The following TENM2 variants were observed in gnomAD, a reference collection of about 807,000 sequenced individuals.
The protein encoded by TENM2 is teneurin-2.
TENM2 carries 52 observed loss-of-function variants against 245.2 expected under a neutral mutation model. The ratio of observed to expected loss-of-function variants is 0.21; its 90% CI spans 0.17 to 0.27. The LOEUF (loss-of-function observed/expected upper bound fraction) is 0.27, where lower values mean the gene tolerates loss of function less well. Ranked by LOEUF, TENM2 falls within the 10% of genes least tolerant of loss-of-function variation. TENM2 has a pLI of 1.00. For synonymous variants in TENM2, 1,363 were observed against 1,438.9 expected (o/e 0.95, Z 1.19); for missense variants, 3,046 against 3,666.8 (o/e 0.83, Z 4.37).
chr5:167,795,777 T>A (rs1765275168), intron 2 of TENM2, among the ~76,000 whole-genome samples: 1 of 151,746 alleles, frequency 6.6e-6, no homozygotes, highest in Non-Finnish European at 1.5e-5. Context: ...ATCAGGGAGG[T>A]AACTAATGAC....
chr5:168,170,004 G>A (rs1368269766), intron 13 of TENM2, among the ~76,000 whole-genome samples: 1 of 152,146 alleles, frequency 6.6e-6, no homozygotes, highest in African/African-American at 2.4e-5. Context: ...GCCAGATGCT[G>A]GGTCTCTCTT....
chr5:167,002,786 T>A, the TENM2 span, among the ~76,000 whole-genome samples: 188 of 152,080 alleles, frequency 1.2e-3, 1 homozygote, highest in African/African-American at 4.3e-3. Context: ...ATAATAATAA[T>A]GATGATAATA....
intron 13 of TENM2, among the ~76,000 whole-genome samples, chr5:168,181,392 C>G (rs992033212): frequency 6.6e-6 from 1 of 152,188 alleles, no homozygotes; most frequent in African/African-American, 2.4e-5. Context: ...GGTAGCAGAG[C>G]CTTGATTTTC....
the TENM2 span, among the ~76,000 whole-genome samples, chr5:167,278,391 A>T: frequency 3.9e-5 from 6 of 152,158 alleles, no homozygotes; most frequent in Admixed American, 3.9e-4. Flanking sequence ...TTGTCTTTTA[A>T]TCAATATATT....
chr5:167,878,615 G>A (rs1270875464), intron 3 of TENM2, among the ~76,000 whole-genome samples: 2 of 151,636 alleles, frequency 1.3e-5, no homozygotes. Flanking sequence ...GTTTCTTGTG[G>A]AATGGGTTTA....
chr5:167,060,889 G>T, the TENM2 span, among the ~76,000 whole-genome samples: 1 of 151,954 alleles, frequency 6.6e-6, no homozygotes, highest in Non-Finnish European at 1.5e-5. Flanking sequence ...GGACATCACA[G>T]GTATGGACTC....
In TENM2 at chr5:168,244,935, A is replaced by T. The variant is rs1040255701; in HGVS notation, c.5817+219A>T. Among the ~76,000 whole-genome samples, 1 of 151,522 alleles carries T rather than the reference A, an allele frequency of 6.6e-6. No homozygotes were observed. Among genetic ancestry groups the T allele is most frequent in the Non-Finnish European group, 1.5e-5 (1 of 67,866 alleles). On this transcript the variant is annotated intron_variant, in intron 26 of 28. Coordinates refer to ENST00000518659, the Ensembl canonical transcript of TENM2. This position sits in a 1 kb window ranked among gnomAD's most constrained non-coding sequence, Gnocchi z 4.9. ...CAGGCACATGTCACCACGCCCGGCT[A>T]ATTTTGTATTTTTAGTAGAGATGGG... is the stretch of plus-strand genomic sequence containing the variant.
intron 2 of TENM2, among the ~76,000 whole-genome samples, chr5:167,722,273 C>T (rs1304456699): frequency 6.6e-6 from 1 of 152,174 alleles, no homozygotes; most frequent in East Asian, 1.9e-4. Flanking sequence ...TTTTGAACTC[C>T]ATCAGAGATA....
At chr5:167,710,252 C>T (rs1262568226) in intron 2 of TENM2, among the ~76,000 whole-genome samples, 1 of 152,068 alleles carries the variant, frequency 6.6e-6, no homozygotes, top group Non-Finnish European at 1.5e-5. Context: ...CACATGCATA[C>T]ACACACACAT....
intron 5 of TENM2, among the ~76,000 whole-genome samples, chr5:168,035,027 T>C (rs1410865515): frequency 2.0e-5 from 3 of 152,230 alleles, no homozygotes; most frequent in African/African-American, 7.2e-5. Context: ...AGCATCTGAA[T>C]TGAGATGTGC....
chr5:167,219,550 A>G, the TENM2 span, among the ~76,000 whole-genome samples: 8 of 152,170 alleles, frequency 5.3e-5, no homozygotes, highest in Admixed American at 6.5e-5. Flanking sequence ...TTAGGGAGGG[A>G]TGTTAATGGA....
chr5:167,283,804 C>T (rs527285149), upstream of TENM2, among the ~76,000 whole-genome samples: 12 of 152,124 alleles, frequency 7.9e-5, no homozygotes, highest in Admixed American at 3.9e-4. Context: ...AACTTGGAGG[C>T]GCCTAAGCAT....
rs532027350 is a variant in TENM2 at position 167,322,685 on chromosome 5, T to C, written c.226+37622T>C. On this transcript the variant is annotated intron_variant, in intron 1 of 28. Coordinates refer to ENST00000518659, the Ensembl canonical transcript of TENM2. ...AAAGAAAAATAGGATGGAATCAAGA[T>C]TAAATGATTAAAGCTGGAATTTTCC... Among the ~76,000 whole-genome samples, 10 of 152,300 alleles carry C rather than the reference T, an allele frequency of 6.6e-5. No individual in the cohort carries two copies. The South Asian group carries it at 1.7e-3, about 25-fold the overall frequency.
chr5:167,663,141 G>GGAGA (rs544699415), intron 2 of TENM2, among the ~76,000 whole-genome samples: 3,276 of 107,936 alleles, frequency 0.03, 33 homozygotes, highest in Non-Finnish European at 0.036. Context: ...ATGGGGATGG[G>GGAGA]GAGAGAGAGA....
At chr5:167,815,070 T>C (rs531935177) in intron 2 of TENM2, among the ~76,000 whole-genome samples, 1 of 152,312 alleles carries the variant, frequency 6.6e-6, no homozygotes, top group Non-Finnish European at 1.5e-5. Flanking sequence ...TTCCTGTGGC[T>C]CTGACACACA....
chr5:167,505,992 G>A (rs1290972150), intron 2 of TENM2, among the ~76,000 whole-genome samples: 1 of 151,904 alleles, frequency 6.6e-6, no homozygotes, highest in East Asian at 1.9e-4. Flanking sequence ...GCAAGCCTGG[G>A]TAACATAGTG....
At chr5:167,601,255 C>T (rs760778811) in intron 2 of TENM2, among the ~76,000 whole-genome samples, 4 of 152,226 alleles carry the variant, frequency 2.6e-5, no homozygotes, top group Non-Finnish European at 5.9e-5. Context: ...GTGACGAAAA[C>T]ATTCTAAACT....
intron 3 of TENM2, among the ~76,000 whole-genome samples, chr5:167,939,261 C>T (rs1046934153): frequency 1.3e-5 from 2 of 152,184 alleles, no homozygotes; most frequent in African/African-American, 4.8e-5. Flanking sequence ...GTTAGATGCT[C>T]ATAAGGAGCG....
chr5:167,342,446 A>G (rs1163315315), intron 1 of TENM2, among the ~76,000 whole-genome samples: 1 of 144,616 alleles, frequency 6.9e-6, no homozygotes, highest in African/African-American at 2.6e-5. Context: ...ACTGCTTATG[A>G]TATTAACCCT....
Sources: allele counts gnomAD v4.1 joint callset (sites outside exome capture counted in the v4.1 genomes callset), GRCh38; gene constraint gnomAD v4.1.1; non-coding constraint Gnocchi (gnomAD v3.1); transcripts MANE v1.5; gene names NCBI Gene and HGNC (gene_info 2026-07-23, HGNC 2026-07-21).